The following MKLN1 variants were observed in gnomAD, a reference collection of about 807,000 sequenced individuals.
MKLN1 encodes the protein muskelin 1, also known as muskelin.
A neutral mutation model predicts 99.0 loss-of-function variants in MKLN1; 18 were observed. The observed-to-expected ratio is 0.18, with a 90% CI of 0.13 to 0.27. The LOEUF (loss-of-function observed/expected upper bound fraction) is 0.27, where lower values mean the gene tolerates loss of function less well. Among genes scored for constraint, MKLN1 ranks in the 10% least tolerant of loss-of-function variants. MKLN1 has a pLI of 1.00. For synonymous variants in MKLN1, 288 were observed against 293.2 expected, an observed-to-expected ratio of 0.98 and a Z score of 0.18; for missense variants, 621 against 875.9, an observed-to-expected ratio of 0.71 and a Z score of 3.67.
At chr7:131,233,373 A>AAAATAAATAAAT (rs71966796) in intron 3 of MKLN1, among the ~76,000 whole-genome samples, 12,025 of 142,358 alleles carry the variant, frequency 0.084, 598 homozygotes, top group South Asian at 0.14. Flanking sequence ...CTGTCTCCAA[A>AAAATAAATAAAT]AAATAAATAA....
chr7:131,159,474 A>G (rs1796015438), intron 2 of MKLN1, among the ~76,000 whole-genome samples: 1 of 152,190 alleles, frequency 6.6e-6, no homozygotes, highest in Non-Finnish European at 1.5e-5. Flanking sequence ...GCACAGTGAG[A>G]CAAATATCAA....
intron 12 of MKLN1, among the ~76,000 whole-genome samples, chr7:131,452,670 C>T (rs1415186358): frequency 1.3e-5 from 2 of 151,182 alleles, no homozygotes; most frequent in Non-Finnish European, 2.9e-5. Flanking sequence ...CCTGCCTCAG[C>T]CTCCCGAATA....
At chr7:131,184,554 C>T (rs530800373) in intron 2 of MKLN1, among the ~76,000 whole-genome samples, 16 of 151,472 alleles carry the variant, frequency 1.1e-4, no homozygotes, top group African/African-American at 3.9e-4. Flanking sequence ...GATGGAGTTT[C>T]GTTCTTGTTG....
chr7:131,247,829 A>T (rs1472458733), intron 3 of MKLN1, among the ~76,000 whole-genome samples: 1 of 152,086 alleles, frequency 6.6e-6, no homozygotes, highest in Non-Finnish European at 1.5e-5. Context: ...CATTTCCCCC[A>T]TTTATGATGT....
At chr7:131,263,940 G>C (rs530373598) in intron 3 of MKLN1, among the ~76,000 whole-genome samples, 2 of 152,236 alleles carry the variant, frequency 1.3e-5, no homozygotes, top group Admixed American at 1.3e-4. Flanking sequence ...GGAGTTGCCT[G>C]GCACCCAGGA....
rs747827996 is a variant in MKLN1, at chr7:131,290,626, A to G, written c.-178-84798A>G. On this transcript the variant is annotated intron_variant, in intron 3 of 7. Coordinates refer to the MKLN1 transcript ENST00000416992. ...ATGAGCTTCCTATGGTGCATGTGCAATGCCAAAGATCTTCCCAAAAGTTGT... is the reference window on the plus strand; with the variant it reads ...ATGAGCTTCCTATGGTGCATGTGCAGTGCCAAAGATCTTCCCAAAAGTTGT... Among the ~76,000 whole-genome samples, 51 of 152,256 alleles carry G rather than the reference A, an allele frequency of 3.3e-4. 1 individual carries two copies. The highest frequency in any genetic ancestry group is 7.2e-4 in the Non-Finnish European group (49 of 68,044).
chr7:131,243,046 G>A (rs1246235447), intron 3 of MKLN1: 3 of 540,040 alleles, frequency 5.6e-6, no homozygotes, highest in South Asian at 1.6e-5. Context: ...AAAAAAAAAG[G>A]AAAGTTCACA....
chr7:131,423,710 G>A (rs910972814), intron 8 of MKLN1, among the ~76,000 whole-genome samples: 3 of 152,150 alleles, frequency 2.0e-5, no homozygotes, highest in African/African-American at 7.2e-5. Context: ...TGAAGAGAGT[G>A]CCTAAACATG....
intron 6 of MKLN1, among the ~76,000 whole-genome samples, chr7:131,409,378 C>T (rs1441610791): frequency 6.6e-6 from 1 of 152,132 alleles, no homozygotes; most frequent in Non-Finnish European, 1.5e-5. Context: ...AGTTCTTTTA[C>T]ATTAAAACAA....
At chr7:131,415,814 A>G (rs1313656941) in intron 8 of MKLN1, among the ~76,000 whole-genome samples, 1 of 152,216 alleles carries the variant, frequency 6.6e-6, no homozygotes, top group African/African-American at 2.4e-5. Context: ...CAGAATAATT[A>G]TTTATGAATA....
intron 4 of MKLN1, among the ~76,000 whole-genome samples, chr7:131,390,474 C>CT (rs1447999155): frequency 6.6e-6 from 1 of 151,916 alleles, no homozygotes; most frequent in Non-Finnish European, 1.5e-5. Flanking sequence ...CCCTGTCAGC[C>CT]TTTTTTCCCC....
chr7:131,366,083 T>G (rs1016059332), intron 1 of MKLN1, among the ~76,000 whole-genome samples: 1 of 152,184 alleles, frequency 6.6e-6, no homozygotes, highest in Admixed American at 6.5e-5. Flanking sequence ...CTCCCCTGAT[T>G]ACAGCTGAAA....
chr7:131,120,390 C>CAAA (rs548981792), intron 1 of MKLN1, among the ~76,000 whole-genome samples: 1 of 142,722 alleles, frequency 7.0e-6, no homozygotes, highest in African/African-American at 2.6e-5. Context: ...AACAAACAAA[C>CAAA]AAAAAAAAAC....
At chr7:131,459,665 TTTTTC>T (rs1374766536) in intron 12 of MKLN1, among the ~76,000 whole-genome samples, 2 of 152,180 alleles carry the variant, frequency 1.3e-5, no homozygotes, top group Non-Finnish European at 2.9e-5. Context: ...GCTTTTAGAA[TTTTTC>T]TTTTCTTCGA....
chr7:131,345,700 C>T (rs949995920), intron 1 of MKLN1, among the ~76,000 whole-genome samples: 3 of 151,738 alleles, frequency 2.0e-5, no homozygotes, highest in Non-Finnish European at 2.9e-5. Flanking sequence ...GGCAATGGAA[C>T]GAGACTGTGT....
chr7:131,434,866 AT>A (rs1434704223), intron 9 of MKLN1, among the ~76,000 whole-genome samples: 1 of 152,052 alleles, frequency 6.6e-6, no homozygotes. Flanking sequence ...CCTTTATTTT[AT>A]TTTTTAATGC....
At chr7:131,118,183 A>G (rs4392843) in intron 1 of MKLN1, among the ~76,000 whole-genome samples, 69,344 of 152,000 alleles carry the variant, frequency 0.46, 17,665 homozygotes, top group Non-Finnish European at 0.59. Context: ...TGCTCACACC[A>G]TGTGACTTGC....
intron 2 of MKLN1, among the ~76,000 whole-genome samples, chr7:131,161,583 G>A (rs1030521968): frequency 9.2e-5 from 14 of 151,952 alleles, no homozygotes; most frequent in Non-Finnish European, 1.9e-4. Context: ...ACGGAGTCTC[G>A]CTCTGTCGCC....
chr7:131,235,485 G>GT, intron 3 of MKLN1, among the ~76,000 whole-genome samples: 1 of 152,184 alleles, frequency 6.6e-6, no homozygotes, highest in Non-Finnish European at 1.5e-5. Context: ...AAAAGCGGCT[G>GT]TCACCTTCGT....
Sources: gnomAD v4.1 joint callset for allele counts (sites outside exome capture counted in the v4.1 genomes callset) on GRCh38, gnomAD v4.1.1 for gene constraint, MANE v1.5 for transcripts, NCBI Gene and HGNC (gene_info 2026-07-23, HGNC 2026-07-21) for gene names.